Variants in LRP1 observed in about 807,000 individuals in gnomAD.
The protein encoded by LRP1 is prolow-density lipoprotein receptor-related protein 1.
A neutral mutation model predicts 541.5 loss-of-function variants in LRP1; 51 were observed. That is an observed-to-expected ratio of 0.09 (90% confidence interval 0.08 to 0.12). The LOEUF is 0.12. Among genes scored for constraint, LRP1 ranks in the 10% least tolerant of loss-of-function variants. LRP1 has a pLI of 1.00. For missense variants in LRP1, 3,878 were observed against 6,376.2 expected (o/e 0.61, Z 13.34); for synonymous variants, 2,219 against 2,470.8 (o/e 0.90, Z 3.02).
At chr12:57,139,645 C>A (rs1396715620) in intron 2 of LRP1, among the ~76,000 whole-genome samples, 1 of 152,170 alleles carries the variant, frequency 6.6e-6, no homozygotes, top group Non-Finnish European at 1.5e-5. Flanking sequence ...ACTCATACCC[C>A]CCGGACTCAT....
chr12:57,200,620 C>CT, intron 63 of LRP1, 79 bp from the exon 64 acceptor site: 1 of 1,543,846 alleles, frequency 6.5e-7, no homozygotes. Context: ...ACTGGAGAGG[C>CT]TGGGGCTGTG....
In LRP1 at chr12:57,166,217, G is replaced by A. The variant is rs1266117821; in HGVS notation, c.2797+8G>A. 2.7e-5 allele frequency: 43 copies of A among 1,596,894 alleles called. No individual in the cohort carries two copies. Among genetic ancestry groups the A allele is most frequent in the Non-Finnish European group, 2.6e-5 (31 of 1,171,794 alleles). Reference sequence around the variant, plus strand: ...CCAATGCCACTTGTTCAGGTGTGGAGCGGGGCTCAGATCACACGAGGCACC... The same window carrying A: ...CCAATGCCACTTGTTCAGGTGTGGAACGGGGCTCAGATCACACGAGGCACC... On this transcript the variant is annotated splice_region_variant and intron_variant, in intron 17 of 88. Transcript: ENST00000243077.
rs1592636063 is a variant in LRP1 at position 57,179,183 on chromosome 12, A to C, written c.4739-146A>C. On this transcript the variant is annotated intron_variant, in intron 28 of 88. Transcript: ENST00000243077. This position sits in a 1 kb window ranked among gnomAD's most constrained non-coding sequence, Gnocchi z 6.8. ...TGTGAGAAGGGGCTGCAGGTCTGCCAGGGGGGCTGCACCCAGCGGGGTATG... is the reference window on the plus strand; with the variant it reads ...TGTGAGAAGGGGCTGCAGGTCTGCCCGGGGGGCTGCACCCAGCGGGGTATG... 1 of 1,188,176 alleles carries C rather than the reference A, an allele frequency of 8.4e-7. No individual in the cohort carries two copies. The highest frequency in any genetic ancestry group is 1.2e-6 in the Non-Finnish European group (1 of 845,382). The allele number at this position is 1,188,176 out of a possible 1,614,324, so 73.6% of individuals were successfully genotyped here.
At chr12:57,199,425 G>A (rs2136737322) in intron 61 of LRP1, 25 bp downstream of exon 61, 1 of 1,596,980 alleles carries the variant, frequency 6.3e-7, no homozygotes, top group East Asian at 2.2e-5. Flanking sequence ...GGTGGGAGCA[G>A]GCGAACGGTG....
rs1168924734 is a variant in LRP1, at chr12:57,188,761, G to A, written c.7031+1305G>A. 2.0e-5 allele frequency among the ~76,000 whole-genome samples: 3 copies of A among 152,360 alleles called. No homozygotes were observed. In the East Asian group the frequency reaches 5.8e-4, roughly 29 times the overall value. Reference sequence around the variant, plus strand: ...AGAGGACCCAGTGGGGAGCGCGAGGGGCGTCATGAAGAGCTTCGTGGCTGT... The same window carrying A: ...AGAGGACCCAGTGGGGAGCGCGAGGAGCGTCATGAAGAGCTTCGTGGCTGT... On this transcript the variant is annotated intron_variant, in intron 42 of 88. Transcript: ENST00000243077.
rs1440801307 is a variant in LRP1, at chr12:57,196,979, C to T, written c.8893-3C>T. On this transcript the variant is annotated splice_region_variant and splice_polypyrimidine_tract_variant and intron_variant, in intron 55 of 88. Coordinates refer to ENST00000243077, the MANE Select transcript of LRP1 (RefSeq NM_002332.3). ...CCCAGCCCAAGGCTCCCTGTGCCTG[C>T]AGTGCCGCTGTCGCCCTGGCTTCCG... 6 of 1,607,468 alleles carry T rather than the reference C, an allele frequency of 3.7e-6. No individual in the cohort carries two copies. The highest frequency in any genetic ancestry group is 1.3e-5 in the African/African-American group (1 of 74,824).
At position 57,197,174 on chromosome 12, in the gene LRP1, C is replaced by T. The variant is rs34829010; in HGVS notation, c.9076+9C>T. 8.0e-4 allele frequency: 1,295 copies of T among 1,613,776 alleles called. 4 individuals are homozygous for T. The African/African-American group carries it at 0.014, about 18-fold the overall frequency. ...CTGCAAGGCTGTGACTGGTGAGATGCGCGCTTGGAGGGCATGAGGTGACCC... is the reference window on the plus strand; with the variant it reads ...CTGCAAGGCTGTGACTGGTGAGATGTGCGCTTGGAGGGCATGAGGTGACCC... On this transcript the variant is annotated intron_variant, in intron 56 of 88. Transcript: ENST00000243077. The surrounding 1 kb of genome is among the most constrained non-coding windows in gnomAD (Gnocchi z 4.5).
intron 15 of LRP1, among the ~76,000 whole-genome samples, chr12:57,163,416 TAAAAATAC>T (rs1052394060): frequency 6.6e-6 from 1 of 152,002 alleles, no homozygotes; most frequent in African/African-American, 2.4e-5. Context: ...CCATCTCTAC[TAAAAATAC>T]AAAAATTAGC....
At position 57,195,368 on chromosome 12, in the gene LRP1, T is replaced by C. The variant is rs1416709232; in HGVS notation, c.8406T>C (p.Asp2802=). The change falls in exon 52 of 89, where the codon GAT becomes GAC. Residue 2802 remains aspartate (D), a synonymous_variant. Coordinates refer to ENST00000243077, the MANE Select transcript of LRP1 (RefSeq NM_002332.3). The stretch of plus-strand genomic sequence containing the variant: ...GTGACGGTGACAAAGACTGTGCTGA[T>C]GGTGCAGACGAGAGCATCGCAGCTG... ...WLCDGDKDCA[D]GADESIAAGC... 2 of 1,610,188 alleles carry C rather than the reference T, an allele frequency of 1.2e-6. No individual in the cohort carries two copies. Among genetic ancestry groups the C allele is most frequent in the Non-Finnish European group, 8.5e-7 (1 of 1,180,000 alleles).
In LRP1 at chr12:57,196,147, C is replaced by G; in HGVS notation, c.8762C>G (p.Ala2921Gly). 1 of 1,611,666 alleles carries G rather than the reference C, an allele frequency of 6.2e-7. No individual in the cohort carries two copies. The highest frequency in any genetic ancestry group is 8.5e-7 in the Non-Finnish European group (1 of 1,178,404). ...LCSSGRCVAE[A>G]LLCNGQDDCG... ...AGCAGTGGGCGCTGTGTGGCTGAGG[C>G]ACTGCTCTGCAACGGCCAGGATGAC... Residue 2921 changes from alanine (A) to glycine (G), a missense_variant, in exon 55 of 89, where the codon GCA (alanine) becomes GGA (glycine). Around this residue, in one of 13 missense-constraint regions of LRP1, gnomAD observed 1,100 missense variants for 1,827.4 expected, o/e 0.60. Coordinates refer to ENST00000243077, the MANE Select transcript of LRP1 (RefSeq NM_002332.3).
intron 41 of LRP1, 66 bp from the exon 42 acceptor site, chr12:57,187,201 C>G: frequency 6.6e-7 from 1 of 1,522,128 alleles, no homozygotes. Flanking sequence ...AGGCTGTCCC[C>G]CACGGCTCCT....
chr12:57,177,602 T>C lies in LRP1; in HGVS notation c.4361+11T>C, dbSNP rs1457236412. The C allele has an allele frequency of 6.2e-7, 1 of 1,613,330 alleles. No homozygotes were observed. The highest frequency in any genetic ancestry group is 8.5e-7 in the Non-Finnish European group (1 of 1,179,746). ...TTGGATTGACGCCAGGTCAGCACCC[T>C]CTGTGCCCTGAGAAGGCCCAAGTCT... On this transcript the variant is annotated intron_variant, in intron 26 of 88. Coordinates refer to ENST00000243077, the MANE Select transcript of LRP1 (RefSeq NM_002332.3). This position sits in a 1 kb window ranked among gnomAD's most constrained non-coding sequence, Gnocchi z 6.8.
In LRP1 at chr12:57,183,285, T is replaced by C. The variant is rs1302991054; in HGVS notation, c.5663-94T>C. The C allele has an allele frequency of 7.4e-7, 1 of 1,347,090 alleles. No individual in the cohort carries two copies. Among genetic ancestry groups the C allele is most frequent in the Non-Finnish European group, 1.0e-6 (1 of 965,606 alleles). The allele number at this position is 1,347,090 out of a possible 1,614,324, so 83.4% of individuals were successfully genotyped here. On this transcript the variant is annotated intron_variant, in intron 34 of 88. Coordinates refer to ENST00000243077, the MANE Select transcript of LRP1 (RefSeq NM_002332.3). The surrounding 1 kb of genome is among the most constrained non-coding windows in gnomAD (Gnocchi z 6.1). ...GGGATGATGGTGGGGGGGGATGATA[T>C]CAAAGGAGAAGCAGAGAACAGTTGG...
Position 57,185,297 on chromosome 12 carries a change from G to T in LRP1, c.6463+92G>T. The T allele has an allele frequency of 6.5e-7, 1 of 1,549,408 alleles. No homozygotes were observed. The highest frequency in any genetic ancestry group is 8.8e-7 in the Non-Finnish European group (1 of 1,140,158). On this transcript the variant is annotated intron_variant, in intron 40 of 88. Transcript: ENST00000243077. This position sits in a 1 kb window ranked among gnomAD's most constrained non-coding sequence, Gnocchi z 4.9. ...AGGGAACCCAGTGTGAGAGGGCTGG[G>T]AGACAAGTTAGACCCATGGGGCAAC...
rs2036893969 is a variant in LRP1, at chr12:57,210,731, C to T, written c.12768C>T (p.Cys4256=). 3 of 1,609,366 alleles carry T rather than the reference C, an allele frequency of 1.9e-6. No homozygotes were observed. Among genetic ancestry groups the T allele is most frequent in the Non-Finnish European group, 2.5e-6 (3 of 1,176,666 alleles). The change falls in exon 83 of 89, where the codon TGC becomes TGT. Residue 4256 remains cysteine, a synonymous_variant. Coordinates refer to ENST00000243077, the MANE Select transcript of LRP1 (RefSeq NM_002332.3). ...CAASPSGMPT[C]RCPTGFTGPK... The stretch of plus-strand genomic sequence containing the variant: ...CTCTCCCACCAGGCATGCCCACGTG[C>T]CGGTGCCCCACGGGCTTCACGGGCC...
Position 57,211,717 on chromosome 12 carries a change from A to G in LRP1, c.13194-33A>G, listed in dbSNP as rs2136758481. The G allele has an allele frequency of 1.2e-6, 2 of 1,605,998 alleles. No individual in the cohort carries two copies. Among genetic ancestry groups the G allele is most frequent in the African/African-American group, 2.7e-5 (2 of 74,702 alleles). Reference sequence around the variant, plus strand: ...CCTGGCAGCAGTGGCTATGGAGGTTATACCTACTCAGCCGTGTCCCTCCTT... The same window carrying G: ...CCTGGCAGCAGTGGCTATGGAGGTTGTACCTACTCAGCCGTGTCCCTCCTT... On this transcript the variant is annotated intron_variant, in intron 85 of 88. Coordinates refer to ENST00000243077, the MANE Select transcript of LRP1 (RefSeq NM_002332.3). This position sits in a 1 kb window ranked among gnomAD's most constrained non-coding sequence, Gnocchi z 4.3.
intron 1 of LRP1, among the ~76,000 whole-genome samples, chr12:57,137,421 A>G (rs1036598185): frequency 6.6e-6 from 1 of 152,088 alleles, no homozygotes; most frequent in Non-Finnish European, 1.5e-5. Flanking sequence ...CCTAGAGTTC[A>G]TTTCAGCCAT....
chr12:57,201,397 G>A lies in LRP1; in HGVS notation c.10346-100G>A, dbSNP rs766451264. The A allele has an allele frequency of 5.6e-5, 85 of 1,510,910 alleles. No individual in the cohort carries two copies. The highest frequency in any genetic ancestry group is 7.3e-5 in the Non-Finnish European group (82 of 1,121,678). The allele number at this position is 1,510,910 out of a possible 1,614,324, so 93.6% of individuals were successfully genotyped here. ...GTTCCTTCCTCCGAAGAAGTTGCTG[G>A]CAGGACCAAGGCCAGGGCTTGGAAG... On this transcript the variant is annotated intron_variant, in intron 65 of 88. Coordinates refer to ENST00000243077, the MANE Select transcript of LRP1 (RefSeq NM_002332.3). The surrounding 1 kb of genome is among the most constrained non-coding windows in gnomAD (Gnocchi z 6.4).
In LRP1 at chr12:57,129,049, T is replaced by A. The variant is rs1450600245; in HGVS notation, c.67+18T>A. The stretch of plus-strand genomic sequence containing the variant: ...TATCGACGGTGAGTGAGATTCCGCG[T>A]CCCCCTTGGACCCCTGGGGGCACCC... On this transcript the variant is annotated intron_variant, in intron 1 of 88. Transcript: ENST00000243077. 1 of 1,550,850 alleles carries A rather than the reference T, an allele frequency of 6.4e-7. No homozygotes were observed. Among genetic ancestry groups the A allele is most frequent in the East Asian group, 2.4e-5 (1 of 40,866 alleles).
Sources: gnomAD v4.1 joint callset for allele counts (sites outside exome capture counted in the v4.1 genomes callset) on GRCh38, gnomAD v4.1.1 for gene constraint, gnomAD v4.1.1 regional missense constraint, Gnocchi (gnomAD v3.1) non-coding constraint, MANE v1.5 for transcripts, NCBI Gene and HGNC (gene_info 2026-07-23, HGNC 2026-07-21) for gene names.